Variants in IL7 observed in about 807,000 individuals in gnomAD.
IL7 encodes interleukin-7.
Under a neutral mutation model 21.6 loss-of-function variants are expected in IL7, and 3 were observed. That is an observed-to-expected ratio of 0.14 (90% CI 0.06 to 0.36). The LOEUF (loss-of-function observed/expected upper bound fraction) is 0.36. Ranked by LOEUF, IL7 falls within the 10% of genes least tolerant of loss-of-function variation. The probability of loss-of-function intolerance (pLI) is 1.00; values close to 1 mark genes in which losing one functional copy is unlikely to be tolerated. For missense variants in IL7, 175 were observed against 200.2 expected, an observed-to-expected ratio of 0.87 and a Z score of 0.76; for synonymous variants, 62 against 68.1, an observed-to-expected ratio of 0.91 and a Z score of 0.44.
intron 2 of IL7, among the ~76,000 whole-genome samples, chr8:78,766,663 C>G (rs1432578643): frequency 6.6e-6 from 1 of 152,072 alleles, no homozygotes; most frequent in African/African-American, 2.4e-5. Context: ...TGTTTTATAA[C>G]TGCGTAATAT....
intron 2 of IL7, among the ~76,000 whole-genome samples, chr8:78,743,959 A>G (rs914036102): frequency 2.6e-5 from 4 of 152,202 alleles, no homozygotes; most frequent in African/African-American, 9.7e-5. Context: ...ACTTCTTCTA[A>G]GAGCTCTGGC....
intron 1 of IL7, 51 bp downstream of exon 1, chr8:78,804,862 C>T (rs751162801): frequency 5.6e-6 from 9 of 1,609,928 alleles, no homozygotes; most frequent in South Asian, 1.1e-5. Flanking sequence ...TCTGGGATTG[C>T]CCCGGCGCGT....
rs556228128 is a variant in IL7 at position 78,726,489 on chromosome 8, C to T, written n.268-5049G>A. On this transcript the variant is annotated intron_variant and non_coding_transcript_variant, in intron 3 of 6. Transcript: ENST00000519833. ...TGACTTTGGCTTACTCAGAGTAAGA[C>T]GGGAATAGGAGAGTGACCTGATCTG... Among the ~76,000 whole-genome samples the T allele has an allele frequency of 8.6e-5, 13 of 151,924 alleles. No homozygotes were observed. In the East Asian group the frequency reaches 1.4e-3, roughly 16 times the overall value.
rs1164861458 is a variant in IL7, at chr8:78,762,405, G to T, written c.148-22323C>A. The T allele has an allele frequency of 6.2e-6, 10 of 1,610,658 alleles. No homozygotes were observed. In the Admixed American group the frequency reaches 1.0e-4, roughly 16 times the overall value. ...CGGACTGCGTGCTCTTCCGCGTGCA[G>T]TTGGCGGCAGCGCAGAAGTTCGGCA... On this transcript the variant is annotated intron_variant, in intron 2 of 5. Transcript: ENST00000263851.
downstream of IL7, among the ~76,000 whole-genome samples, chr8:78,730,051 C>T (rs1425234203): frequency 2.0e-5 from 3 of 151,884 alleles, no homozygotes; most frequent in Admixed American, 6.6e-5. Flanking sequence ...CAGTAATCAA[C>T]AATAATTTAA....
chr8:78,751,274 GA>G, intron 2 of IL7, among the ~76,000 whole-genome samples: 1 of 152,196 alleles, frequency 6.6e-6, no homozygotes, highest in African/African-American at 2.4e-5. Flanking sequence ...CTTACTTATA[GA>G]AGAGCAAAGA....
At chr8:78,768,112 A>G (rs1445059443) in intron 2 of IL7, among the ~76,000 whole-genome samples, 3 of 152,228 alleles carry the variant, frequency 2.0e-5, no homozygotes, top group African/African-American at 7.2e-5. Context: ...ATCCTTTTGT[A>G]TGGCTGCATA....
intron 3 of IL7, among the ~76,000 whole-genome samples, chr8:78,696,178 G>A (rs1324969379): frequency 6.6e-6 from 1 of 151,954 alleles, no homozygotes; most frequent in African/African-American, 2.4e-5. Context: ...GGGACTACAG[G>A]CGCCCGCTAC....
intron 2 of IL7, among the ~76,000 whole-genome samples, chr8:78,767,785 T>C (rs991758448): frequency 4.6e-5 from 7 of 152,306 alleles, no homozygotes; most frequent in African/African-American, 1.7e-4. Context: ...TTTATTATTA[T>C]TATACTTTAA....
intron 2 of IL7, among the ~76,000 whole-genome samples, chr8:78,785,049 A>G (rs569785708): frequency 6.6e-6 from 1 of 152,002 alleles, no homozygotes; most frequent in East Asian, 1.9e-4. Flanking sequence ...TTGCATTTAG[A>G]TGTGAAAAAT....
At chr8:78,723,092 A>AATATAT (rs71264200) in intron 3 of IL7, among the ~76,000 whole-genome samples, 13,582 of 140,256 alleles carry the variant, frequency 0.097, 812 homozygotes, top group African/African-American at 0.17. Flanking sequence ...TAGAAGTACA[A>AATATAT]ATATATATAT....
chr8:78,714,106 C>T (rs1222545624), downstream of IL7, among the ~76,000 whole-genome samples: 4 of 152,128 alleles, frequency 2.6e-5, no homozygotes, highest in Admixed American at 2.0e-4. Flanking sequence ...GTTCATATAA[C>T]ACTGTTCACC....
At chr8:78,747,190 T>C in intron 2 of IL7, 4 of 165,788 alleles carry the variant, frequency 2.4e-5, no homozygotes, top group South Asian at 2.2e-4. Context: ...CTTCATTGCT[T>C]TTTTTTTTTT....
intron 3 of IL7, among the ~76,000 whole-genome samples, chr8:78,688,776 A>C (rs968725174): frequency 7.9e-5 from 12 of 152,140 alleles, no homozygotes; most frequent in South Asian, 6.2e-4. Context: ...ATTTCTTGAC[A>C]GTTTTCCATT....
rs753397034 is a variant in IL7, at chr8:78,712,210, C to A, written n.214+9138G>T. On this transcript the variant is annotated intron_variant and non_coding_transcript_variant, in intron 3 of 4. Coordinates refer to the IL7 transcript ENST00000523959. ...TTTACTGTCCTATACTTAAAAAAAT[C>A]TGTTGAATAATTTCTAAGCCAAAAT... 3.0e-4 allele frequency: 159 copies of A among 535,208 alleles called. 1 individual carries two copies. The highest frequency in any genetic ancestry group is 4.3e-4 in the Non-Finnish European group (153 of 358,682). 33.2% of individuals were successfully genotyped at this position (535,208 alleles called of 1,614,324 possible).
intron 4 of IL7, among the ~76,000 whole-genome samples, chr8:78,677,317 C>T (rs1417395144): frequency 6.6e-6 from 1 of 151,392 alleles, no homozygotes; most frequent in Non-Finnish European, 1.5e-5. Flanking sequence ...TGTCCCTAAA[C>T]TGAATAACTG....
chr8:78,755,207 G>A (rs1295273172), intron 2 of IL7, among the ~76,000 whole-genome samples: 1 of 151,646 alleles, frequency 6.6e-6, no homozygotes, highest in Non-Finnish European at 1.5e-5. Flanking sequence ...TTTTATACCA[G>A]TGCTATGTTG....
intron 2 of IL7, among the ~76,000 whole-genome samples, chr8:78,744,151 C>A (rs527683139): frequency 6.6e-6 from 1 of 152,044 alleles, no homozygotes; most frequent in African/African-American, 2.4e-5. Flanking sequence ...CGCCTGTTGG[C>A]TTGGGCTCTC....
chr8:78,730,969 A>T (rs1811414390), downstream of IL7, among the ~76,000 whole-genome samples: 2 of 152,028 alleles, frequency 1.3e-5, no homozygotes, highest in South Asian at 4.1e-4. Flanking sequence ...GGGTTGGCGT[A>T]GAATTTGCAA....
Sources: gnomAD v4.1 joint callset for allele counts (sites outside exome capture counted in the v4.1 genomes callset) on GRCh38, gnomAD v4.1.1 for gene constraint, MANE v1.5 for transcripts, NCBI Gene and HGNC (gene_info 2026-07-23, HGNC 2026-07-21) for gene names.